The following DPYD variants were observed in gnomAD, a reference collection of about 807,000 sequenced individuals.
DPYD encodes the protein dihydropyrimidine dehydrogenase.
DPYD carries 109 observed loss-of-function variants against 116.2 expected under a neutral mutation model. The ratio of observed to expected loss-of-function variants is 0.94; its 90% CI spans 0.80 to 1.10. The LOEUF (loss-of-function observed/expected upper bound fraction) is 1.10. Among genes scored for constraint, DPYD ranks in the 50% least tolerant of loss-of-function variants. DPYD has a pLI of 0.00. For synonymous variants in DPYD, 440 were observed against 432.0 expected (o/e 1.02, Z -0.23); for missense variants, 1,302 against 1,254.5 (o/e 1.04, Z -0.57).
At chr1:97,265,035 C>T (rs1261332552) in intron 18 of DPYD, among the ~76,000 whole-genome samples, 1 of 152,048 alleles carries the variant, frequency 6.6e-6, no homozygotes. Context: ...CAAGACTGTC[C>T]CGTTCATCCG....
intron 13 of DPYD, among the ~76,000 whole-genome samples, chr1:97,465,896 G>A (rs1325192955): frequency 6.6e-6 from 1 of 152,116 alleles, no homozygotes; most frequent in Non-Finnish European, 1.5e-5. Flanking sequence ...AATTCATTGA[G>A]CTCAGGAGTT....
At chr1:97,869,019 T>A (rs1021354096) in intron 2 of DPYD, among the ~76,000 whole-genome samples, 4 of 151,890 alleles carry the variant, frequency 2.6e-5, no homozygotes, top group African/African-American at 9.7e-5. Context: ...TGACTGCCTC[T>A]ATCTTCTCTC....
At chr1:97,357,247 T>C (rs1440657549) in intron 16 of DPYD, among the ~76,000 whole-genome samples, 1 of 152,184 alleles carries the variant, frequency 6.6e-6, no homozygotes, top group Non-Finnish European at 1.5e-5. Flanking sequence ...CTTGGTTAAA[T>C]GGATTCCTTT....
chr1:97,304,036 T>C (rs1181313602), intron 18 of DPYD, among the ~76,000 whole-genome samples: 1 of 152,026 alleles, frequency 6.6e-6, no homozygotes, highest in Admixed American at 6.6e-5. Context: ...CATTGCAGCT[T>C]AAATGAGAAA....
chr1:97,494,362 T>A (rs1679135288), intron 13 of DPYD, among the ~76,000 whole-genome samples: 1 of 151,766 alleles, frequency 6.6e-6, no homozygotes. Context: ...ATGCTCAGCT[T>A]AAAAAAAAGA....
intron 4 of DPYD, 132 bp downstream of exon 4, chr1:97,740,260 T>G: frequency 1.6e-6 from 1 of 608,012 alleles, no homozygotes; most frequent in Non-Finnish European, 2.8e-6. Flanking sequence ...GCCACATTTT[T>G]AAATGCCTAT....
At chr1:97,400,904 G>A (rs1199952250) in intron 14 of DPYD, among the ~76,000 whole-genome samples, 4 of 151,764 alleles carry the variant, frequency 2.6e-5, no homozygotes, top group South Asian at 2.1e-4. Context: ...GTCTTCTAAC[G>A]TGATCAAATC....
intron 7 of DPYD, among the ~76,000 whole-genome samples, chr1:97,682,897 C>T (rs915653203): frequency 6.6e-6 from 1 of 152,078 alleles, no homozygotes; most frequent in Non-Finnish European, 1.5e-5. Flanking sequence ...GTAATAGTCA[C>T]TACTTTATTC....
At chr1:97,636,738 C>T (rs1287039848) in intron 8 of DPYD, among the ~76,000 whole-genome samples, 1 of 152,144 alleles carries the variant, frequency 6.6e-6, no homozygotes, top group Non-Finnish European at 1.5e-5. Context: ...TTGAATGCTT[C>T]CCCAGTAATG....
At chr1:97,591,042 G>A (rs751860612) in intron 10 of DPYD, among the ~76,000 whole-genome samples, 8 of 152,150 alleles carry the variant, frequency 5.3e-5, no homozygotes, top group Admixed American at 1.3e-4. Context: ...TGATACTGGC[G>A]TTTTTTCTAT....
chr1:97,242,367 G>T lies in DPYD; in HGVS notation c.2300-7373C>A, dbSNP rs986221438. On this transcript the variant is annotated intron_variant, in intron 18 of 22. Coordinates refer to ENST00000370192, the MANE Select transcript of DPYD (RefSeq NM_000110.4). The stretch of plus-strand genomic sequence containing the variant: ...TCCAGAAAACCTTTAAAATTGACAC[G>T]CAAATAGCTCTAATTTATAATGTTA... 2.0e-5 allele frequency among the ~76,000 whole-genome samples: 3 copies of T among 150,630 alleles called. No individual in the cohort carries two copies. The East Asian group carries it at 5.8e-4, about 29-fold the overall frequency.
chr1:97,647,595 G>A (rs1658342175), intron 8 of DPYD, among the ~76,000 whole-genome samples: 1 of 151,774 alleles, frequency 6.6e-6, no homozygotes, highest in Non-Finnish European at 1.5e-5. Flanking sequence ...ATAATATTGA[G>A]CATAATTTCA....
At chr1:97,634,043 C>T (rs1408480540) in intron 8 of DPYD, among the ~76,000 whole-genome samples, 4 of 152,082 alleles carry the variant, frequency 2.6e-5, no homozygotes, top group African/African-American at 9.7e-5. Context: ...CTCAACTGGG[C>T]TTCAGCTCGA....
At position 97,829,044 on chromosome 1, in the gene DPYD, A is replaced by C. The variant is rs562912623; in HGVS notation, c.151-848T>G. On this transcript the variant is annotated intron_variant, in intron 2 of 22. Transcript: ENST00000370192. ...GAGGGCATAAATTGTAGAAATTTTC[A>C]ATTTATATACATATATATATGAATC... is the stretch of plus-strand genomic sequence containing the variant. 2.0e-5 allele frequency among the ~76,000 whole-genome samples: 3 copies of C among 152,036 alleles called. No individual in the cohort carries two copies. In the South Asian group the frequency reaches 6.2e-4, roughly 32 times the overall value.
chr1:97,638,477 A>G lies in DPYD; in HGVS notation c.850+40618T>C, dbSNP rs147376488. On this transcript the variant is annotated intron_variant, in intron 8 of 22. Coordinates refer to ENST00000370192, the MANE Select transcript of DPYD (RefSeq NM_000110.4). ...ACCAACTCTTTATTATTGATCATAT[A>G]GACTAAGCCATTATGAAAATTCAAG... Among the ~76,000 whole-genome samples the G allele has an allele frequency of 2.2e-3, 329 of 152,288 alleles. 1 individual carries two copies. Among genetic ancestry groups the G allele is most frequent in the African/African-American group, 7.5e-3 (312 of 41,574 alleles).
chr1:97,308,340 T>C (rs1667287752), intron 16 of DPYD: 1 of 151,816 alleles, frequency 6.6e-6, no homozygotes, highest in South Asian at 2.1e-4. Context: ...TGACCCTCCA[T>C]GAGTAAAGTT....
intron 4 of DPYD, among the ~76,000 whole-genome samples, chr1:97,735,743 T>C (rs1337685563): frequency 1.3e-5 from 2 of 149,280 alleles, no homozygotes; most frequent in Non-Finnish European, 3.0e-5. Context: ...AATAAAAGTC[T>C]TGAAAAGATT....
At chr1:97,513,761 T>G (rs1556795) in intron 13 of DPYD, among the ~76,000 whole-genome samples, 17 of 151,560 alleles carry the variant, frequency 1.1e-4, no homozygotes, top group Non-Finnish European at 2.1e-4. Context: ...TAGGAAAGCA[T>G]AGAAATAAGA....
intron 2 of DPYD, among the ~76,000 whole-genome samples, chr1:97,881,702 C>T (rs912646758): frequency 1.3e-5 from 2 of 151,946 alleles, no homozygotes; most frequent in Admixed American, 1.3e-4. Flanking sequence ...AAAGTCCTGA[C>T]CATAAATACT....
Sources: gnomAD v4.1 joint callset for allele counts (sites outside exome capture counted in the v4.1 genomes callset) on GRCh38, gnomAD v4.1.1 for gene constraint, MANE v1.5 for transcripts, NCBI Gene and HGNC (gene_info 2026-07-23, HGNC 2026-07-21) for gene names.